Variants in WDR6 observed in about 807,000 individuals in gnomAD.
The protein encoded by WDR6 is tRNA (34-2'-O)-methyltransferase regulator WDR6.
WDR6 carries 58 observed loss-of-function variants against 85.6 expected under a neutral mutation model. The ratio of observed to expected loss-of-function variants is 0.68; its 90% CI spans 0.55 to 0.84. The LOEUF (loss-of-function observed/expected upper bound fraction) is 0.84. Among genes scored for constraint, WDR6 ranks in the 40% least tolerant of loss-of-function variants. The pLI, the probability that WDR6 is intolerant of heterozygous loss-of-function variation, is 0.00. For missense variants in WDR6, 1,310 were observed against 1,476.4 expected (o/e 0.89, Z 1.85); for synonymous variants, 569 against 582.2 (o/e 0.98, Z 0.33).
At position 49,015,651 on chromosome 3, in the gene WDR6, A is replaced by C; in HGVS notation, c.*363A>C. ...GGCCAGTATGGAGCACCTCACGCAC[A>C]GCTCTCAGAAGCTGCAGGCGGACGA... On this transcript the variant is annotated 3_prime_UTR_variant, in exon 6 of 6. Coordinates refer to ENST00000608424, the MANE Select transcript of WDR6 (RefSeq NM_018031.6). 1 of 1,614,188 alleles carries C rather than the reference A, an allele frequency of 6.2e-7. No homozygotes were observed. The highest frequency in any genetic ancestry group is 8.5e-7 in the Non-Finnish European group (1 of 1,180,024).
chr3:49,013,035 C>T lies in WDR6; in HGVS notation c.1501C>T (p.Pro501Ser). The T allele has an allele frequency of 1.2e-6, 2 of 1,612,396 alleles. No individual in the cohort carries two copies. The highest frequency in any genetic ancestry group is 1.7e-6 in the Non-Finnish European group (2 of 1,178,868). The change falls in exon 2 of 6, where the codon CCC becomes TCC. Residue 501 changes from proline to serine, a missense_variant. Coordinates refer to ENST00000608424, the MANE Select transcript of WDR6 (RefSeq NM_018031.6). This position sits in a 1 kb window ranked among gnomAD's most constrained non-coding sequence, Gnocchi z 4.6. ...ATGGCACACATGCAGTGCCTTCCTACCCCCAGGTGACTTCCTGGTGTGTGG... is the reference window on the plus strand; with the variant it reads ...ATGGCACACATGCAGTGCCTTCCTATCCCCAGGTGACTTCCTGGTGTGTGG... Reference protein sequence around the residue: ...QRWHTCSAFLPPGDFLVCGDR... With the variant: ...QRWHTCSAFLSPGDFLVCGDR...
Position 49,012,506 on chromosome 3 carries a change from G to A in WDR6, c.972G>A (p.Leu324=). 6.2e-7 allele frequency: 1 copy of A among 1,614,130 alleles called. No individual in the cohort carries two copies. Among genetic ancestry groups the A allele is most frequent in the Non-Finnish European group, 8.5e-7 (1 of 1,180,038 alleles). ...GGGGTGATGACTCAGGCATTCGGCT[G>A]TGGCACTTGGTAGGGCGTGGGTACC... ...ITGGDDSGIR[L]WHLVGRGYRG... is the part of the protein sequence containing the mutation. Residue 324 remains leucine (L), a synonymous_variant, in exon 2 of 6, where the codon CTG becomes CTA. Transcript: ENST00000608424. The surrounding 1 kb of genome is among the most constrained non-coding windows in gnomAD (Gnocchi z 4.4).
In WDR6 at chr3:49,012,724, A is replaced by C. The variant is rs1559896676; in HGVS notation, c.1190A>C (p.Glu397Ala). 6.2e-7 allele frequency: 1 copy of C among 1,613,954 alleles called. No individual in the cohort carries two copies. Among genetic ancestry groups the C allele is most frequent in the Non-Finnish European group, 8.5e-7 (1 of 1,180,002 alleles). ...CATTTCCAGTCCTACTGCCTGCTGGAGGCAGCTCCTGGTCCCGAGGGCTTC... is the reference window on the plus strand; with the variant it reads ...CATTTCCAGTCCTACTGCCTGCTGGCGGCAGCTCCTGGTCCCGAGGGCTTC... The part of the protein sequence containing the change: ...DKHFQSYCLL[E>A]AAPGPEGFGL... Residue 397 changes from glutamate (E) to alanine (A), a missense_variant, in exon 2 of 6, where the codon GAG (glutamate) becomes GCG (alanine). Coordinates refer to ENST00000608424, the MANE Select transcript of WDR6 (RefSeq NM_018031.6). The surrounding 1 kb of genome is among the most constrained non-coding windows in gnomAD (Gnocchi z 4.4).
chr3:49,013,461 C>T lies in WDR6; in HGVS notation c.1927C>T (p.Arg643Trp), dbSNP rs771254196. The T allele has an allele frequency of 4.8e-5, 77 of 1,613,994 alleles. No individual in the cohort carries two copies. The highest frequency in any genetic ancestry group is 6.1e-5 in the Non-Finnish European group (72 of 1,180,026). Reference sequence around the variant, plus strand: ...CAATGAGTTTGTGGTGTGGAACCCTCGGTCACACGAGAAGCTGCACATCGT... The same window carrying T: ...CAATGAGTTTGTGGTGTGGAACCCTTGGTCACACGAGAAGCTGCACATCGT... ...HANEFVVWNP[R>W]SHEKLHIVNC... Residue 643 changes from arginine (R) to tryptophan (W), a missense_variant, in exon 2 of 6, where the codon CGG (arginine) becomes TGG (tryptophan). Transcript: ENST00000608424. This position sits in a 1 kb window ranked among gnomAD's most constrained non-coding sequence, Gnocchi z 4.6.
rs766904915 is a variant in WDR6 at position 49,012,891 on chromosome 3, T to C, written c.1357T>C (p.Leu453=). The change falls in exon 2 of 6, where the codon TTG becomes CTG. Residue 453 remains leucine, a synonymous_variant. Transcript: ENST00000608424. This position sits in a 1 kb window ranked among gnomAD's most constrained non-coding sequence, Gnocchi z 4.4. The stretch of plus-strand genomic sequence containing the variant: ...CCTGCGTGGTTATGAGGAGCTCCTG[T>C]TGCTGGCATCGGGCCCTGGCGGGGT... The part of the protein sequence containing the change: ...WALRGYEELL[L]LASGPGGVVA... 8 of 1,613,722 alleles carry C rather than the reference T, an allele frequency of 5.0e-6. No individual in the cohort carries two copies. The Admixed American group carries it at 1.2e-4, about 24-fold the overall frequency.
rs761342763 is a variant in WDR6, at chr3:49,012,616, G to A, written c.1082G>A (p.Arg361Gln). The change falls in exon 2 of 6, where the codon CGA becomes CAA. Residue 361 changes from arginine to glutamine, a missense_variant. Physicochemically the swap from Arg to Gln is conservative, Grantham distance 43. Coordinates refer to ENST00000608424, the MANE Select transcript of WDR6 (RefSeq NM_018031.6). The surrounding 1 kb of genome is among the most constrained non-coding windows in gnomAD (Gnocchi z 4.4). ...LKAVTLAGSW[R>Q]LLAVTDTGAL... ...GCTGTGACTCTGGCTGGCTCTTGGC[G>A]ACTGCTGGCAGTGACTGATACAGGG... The A allele has an allele frequency of 1.5e-5, 25 of 1,613,984 alleles. No individual in the cohort carries two copies. Among genetic ancestry groups the A allele is most frequent in the African/African-American group, 2.7e-5 (2 of 74,914 alleles).
intron 1 of WDR6, chr3:49,008,983 G>C (rs1303363046): frequency 6.5e-6 from 1 of 153,870 alleles, no homozygotes; most frequent in Non-Finnish European, 1.5e-5. Context: ...CCAGGTTCAA[G>C]TGATTCTCCT....
chr3:49,013,347 C>T lies in WDR6; in HGVS notation c.1813C>T (p.Leu605=), dbSNP rs371869289. 6.9e-5 allele frequency: 111 copies of T among 1,614,188 alleles called. 1 individual carries two copies. In the South Asian group the frequency reaches 1.1e-3, roughly 17 times the overall value. ...ACGAGACGGCCAGCTCCAGCCAGTC[C>T]TAAGGCAGAAGTCCTGTCGAGGCAT... ...FVRDGQLQPV[L]RQKSCRGMNW... Residue 605 remains leucine (L), a synonymous_variant, in exon 2 of 6, where the codon CTA becomes TTA. Transcript: ENST00000608424. The surrounding 1 kb of genome is among the most constrained non-coding windows in gnomAD (Gnocchi z 4.6).
rs1575282463 is a variant in WDR6 at position 49,015,600 on chromosome 3, C to T, written c.*312C>T. On this transcript the variant is annotated 3_prime_UTR_variant, in exon 6 of 6. Coordinates refer to ENST00000608424, the MANE Select transcript of WDR6 (RefSeq NM_018031.6). The stretch of plus-strand genomic sequence containing the variant: ...AGCCTCTGTGGCCTTAAATGTGGCT[C>T]AGTGGAGGGAGACCCAGCATAGCCA... 3 of 1,614,122 alleles carry T rather than the reference C, an allele frequency of 1.9e-6. No homozygotes were observed. Among genetic ancestry groups the T allele is most frequent in the African/African-American group, 2.7e-5 (2 of 75,022 alleles).
At position 49,013,031 on chromosome 3, in the gene WDR6, C is replaced by T. The variant is rs149016641; in HGVS notation, c.1497C>T (p.Phe499=). The change falls in exon 2 of 6, where the codon TTC becomes TTT. Residue 499 remains phenylalanine (F), a synonymous_variant. Coordinates refer to ENST00000608424, the MANE Select transcript of WDR6 (RefSeq NM_018031.6). The surrounding 1 kb of genome is among the most constrained non-coding windows in gnomAD (Gnocchi z 4.6). ...SKQRWHTCSA[F]LPPGDFLVCG... is the part of the protein sequence containing the mutation. Reference sequence around the variant, plus strand: ...AGAGATGGCACACATGCAGTGCCTTCCTACCCCCAGGTGACTTCCTGGTGT... The same window carrying T: ...AGAGATGGCACACATGCAGTGCCTTTCTACCCCCAGGTGACTTCCTGGTGT... 49 of 1,612,874 alleles carry T rather than the reference C, an allele frequency of 3.0e-5. No individual in the cohort carries two copies. In the African/African-American group the frequency reaches 6.0e-4, roughly 20 times the overall value.
In WDR6 at chr3:49,013,652, T is replaced by C. The variant is rs2093030797; in HGVS notation, c.2118T>C (p.Cys706=). ...REGLHGREIT[C]VKRVGTITLG... is the part of the protein sequence containing the mutation. The stretch of plus-strand genomic sequence containing the variant: ...GTCTGCATGGCCGTGAGATCACTTG[T>C]GTAAAGCGTGTGGGCACCATTACCC... Residue 706 remains cysteine, a synonymous_variant, in exon 2 of 6, where the codon TGT becomes TGC. Coordinates refer to ENST00000608424, the MANE Select transcript of WDR6 (RefSeq NM_018031.6). The surrounding 1 kb of genome is among the most constrained non-coding windows in gnomAD (Gnocchi z 4.6). 3 of 1,613,996 alleles carry C rather than the reference T, an allele frequency of 1.9e-6. No individual in the cohort carries two copies. Among genetic ancestry groups the C allele is most frequent in the African/African-American group, 1.3e-5 (1 of 74,886 alleles).
chr3:49,009,476 C>G (rs1009233892), intron 1 of WDR6, among the ~76,000 whole-genome samples: 4 of 152,094 alleles, frequency 2.6e-5, no homozygotes, highest in African/African-American at 9.7e-5. Context: ...TTTTCTCAAT[C>G]TTGCCTCGAT....
rs61746960 is a variant in WDR6, at chr3:49,012,912, G to A, written c.1378G>A (p.Gly460Arg). 137 of 1,613,698 alleles carry A rather than the reference G, an allele frequency of 8.5e-5. No homozygotes were observed. Among genetic ancestry groups the A allele is most frequent in the Non-Finnish European group, 1.1e-4 (127 of 1,179,968 alleles). ...CCTGTTGCTGGCATCGGGCCCTGGC[G>A]GGGTAGTAGCTTGCCTAGAGATCTC... is the stretch of plus-strand genomic sequence containing the variant. Reference protein sequence around the residue: ...ELLLLASGPGGVVACLEISAA... With the variant: ...ELLLLASGPGRVVACLEISAA... The change falls in exon 2 of 6, where the codon GGG (glycine) becomes AGG (arginine). Residue 460 changes from glycine (G) to arginine (R), a missense_variant. Coordinates refer to ENST00000608424, the MANE Select transcript of WDR6 (RefSeq NM_018031.6). The surrounding 1 kb of genome is among the most constrained non-coding windows in gnomAD (Gnocchi z 4.4).
Position 49,014,945 on chromosome 3 carries a change from A to C in WDR6, c.3023A>C (p.His1008Pro), listed in dbSNP as rs199944477. The C allele has an allele frequency of 5.6e-6, 9 of 1,614,094 alleles. No individual in the cohort carries two copies. The African/African-American group carries it at 6.7e-5, about 12-fold the overall frequency. The change falls in exon 6 of 6, where the codon CAT becomes CCT. Residue 1008 changes from histidine (H) to proline (P), a missense_variant. Physicochemically the swap from His to Pro is moderately conservative, Grantham distance 77. Coordinates refer to ENST00000608424, the MANE Select transcript of WDR6 (RefSeq NM_018031.6). This position sits in a 1 kb window ranked among gnomAD's most constrained non-coding sequence, Gnocchi z 4.9. Reference protein sequence around the residue: ...VASGSEDGSLHVFVLAVEMLQ... With the variant: ...VASGSEDGSLPVFVLAVEMLQ... ...AGTGGCAGTGAAGATGGATCCCTCC[A>C]TGTCTTCGTGCTTGCTGTGGAGATG...
Position 49,013,903 on chromosome 3 carries a change from GC to G in WDR6, c.2372del (p.Pro791LeufsTer8), listed in dbSNP as rs2093032905. 6.2e-7 allele frequency: 1 copy of G among 1,613,576 alleles called. No homozygotes were observed. Reference sequence around the variant, plus strand: ...GTGTGGGGCATTGGCACCCCAGGTGGCCCTCAGGATCCTCAGCCAGGCCTGA... The same window carrying G: ...GTGTGGGGCATTGGCACCCCAGGTGGCCTCAGGATCCTCAGCCAGGCCTGA... Reference protein sequence around the residue: ...VAVWGIGTPGGPQDPQPGLTA... With the variant: ...VAVWGIGTPGXPQDPQPGLTA... On this transcript the variant is annotated frameshift_variant, in exon 2 of 6. Transcript: ENST00000608424. LOFTEE classifies it high-confidence loss of function. The surrounding 1 kb of genome is among the most constrained non-coding windows in gnomAD (Gnocchi z 4.6).
rs2093030996 is a variant in WDR6 at position 49,013,679 on chromosome 3, G to A, written c.2145G>A (p.Leu715=). ...TAAAGCGTGTGGGCACCATTACCCT[G>A]GGGCCTGAATATGGAGTGCCCAGCT... ...TCVKRVGTIT[L]GPEYGVPSFM... The change falls in exon 2 of 6, where the codon CTG becomes CTA. Residue 715 remains leucine (L), a synonymous_variant. Coordinates refer to ENST00000608424, the MANE Select transcript of WDR6 (RefSeq NM_018031.6). This position sits in a 1 kb window ranked among gnomAD's most constrained non-coding sequence, Gnocchi z 4.6. 6.2e-7 allele frequency: 1 copy of A among 1,613,960 alleles called. No individual in the cohort carries two copies. Among genetic ancestry groups the A allele is most frequent in the Non-Finnish European group, 8.5e-7 (1 of 1,179,996 alleles).
rs372920182 is a variant in WDR6, at chr3:49,013,511, G to A, written c.1977G>A (p.Ser659=). 33 of 1,613,902 alleles carry A rather than the reference G, an allele frequency of 2.0e-5. No individual in the cohort carries two copies. Among genetic ancestry groups the A allele is most frequent in the Non-Finnish European group, 2.6e-5 (31 of 1,180,018 alleles). The change falls in exon 2 of 6, where the codon TCG becomes TCA. Residue 659 remains serine, a synonymous_variant. Transcript: ENST00000608424. This position sits in a 1 kb window ranked among gnomAD's most constrained non-coding sequence, Gnocchi z 4.6. ...HIVNCGGGHR[S]WAFSDTEAAM... ...TCAACTGTGGTGGAGGGCACCGTTC[G>A]TGGGCATTCTCTGATACTGAGGCGG...
chr3:49,014,551 T>C lies in WDR6; in HGVS notation c.2784-49T>C, dbSNP rs750210545. On this transcript the variant is annotated intron_variant, in intron 4 of 5. Coordinates refer to ENST00000608424, the MANE Select transcript of WDR6 (RefSeq NM_018031.6). This position sits in a 1 kb window ranked among gnomAD's most constrained non-coding sequence, Gnocchi z 4.9. ...CATGGGCTGGGTTGGGGGGTTCCTG[T>C]TGAGCTTCATCTCTGTTATTGACCA... is the stretch of plus-strand genomic sequence containing the variant. 1.2e-6 allele frequency: 2 copies of C among 1,613,682 alleles called. No homozygotes were observed. Among genetic ancestry groups the C allele is most frequent in the Non-Finnish European group, 1.7e-6 (2 of 1,179,868 alleles).
chr3:49,011,305 C>G, intron 1 of WDR6: 1 of 545,594 alleles, frequency 1.8e-6, no homozygotes. Flanking sequence ...TCCTGAACCC[C>G]TGACCTCAGG....
Sources: allele counts gnomAD v4.1 joint callset (sites outside exome capture counted in the v4.1 genomes callset), GRCh38; gene constraint gnomAD v4.1.1; non-coding constraint Gnocchi (gnomAD v3.1); transcripts MANE v1.5; gene names NCBI Gene and HGNC (gene_info 2026-07-23, HGNC 2026-07-21).